The following EPHA3 variants were observed in gnomAD, a reference collection of about 807,000 sequenced individuals.
EPHA3 encodes the protein EPH receptor A3, also known as ephrin type-A receptor 3.
A neutral mutation model predicts 107.1 loss-of-function variants in EPHA3; 42 were observed. The ratio of observed to expected loss-of-function variants is 0.39; its 90% CI spans 0.31 to 0.51. The LOEUF is 0.51. Among genes scored for constraint, EPHA3 ranks in the 20% least tolerant of loss-of-function variants. The probability of loss-of-function intolerance (pLI) is 0.78; values close to 1 mark genes in which losing one functional copy is unlikely to be tolerated. For synonymous variants in EPHA3, 461 were observed against 424.8 expected (o/e 1.09, Z -1.05); for missense variants, 1,183 against 1,211.2 (o/e 0.98, Z 0.35).
intron 15 of EPHA3, among the ~76,000 whole-genome samples, chr3:89,471,981 G>A (rs17026944): frequency 0.23 from 35,299 of 151,820 alleles, 4,358 homozygotes; most frequent in Non-Finnish European, 0.25. Flanking sequence ...TGCTGTGAGT[G>A]TAGCCTAGAT....
chr3:89,356,815 C>A (rs1386356846), intron 5 of EPHA3, among the ~76,000 whole-genome samples: 1 of 150,672 alleles, frequency 6.6e-6, no homozygotes, highest in Non-Finnish European at 1.5e-5. Context: ...CAAAGGCACA[C>A]ATAAAATAAG....
At chr3:89,329,557 T>G (rs964525093) in intron 3 of EPHA3, among the ~76,000 whole-genome samples, 2 of 152,094 alleles carry the variant, frequency 1.3e-5, no homozygotes, top group African/African-American at 4.8e-5. Context: ...GAAGAGAGAA[T>G]TTCTTCCTCT....
At chr3:89,329,389 T>C (rs1707241478) in intron 3 of EPHA3, among the ~76,000 whole-genome samples, 1 of 152,168 alleles carries the variant, frequency 6.6e-6, no homozygotes, top group African/African-American at 2.4e-5. Flanking sequence ...GCAGAGATTC[T>C]TCTATTGTTC....
chr3:89,110,689 T>G (rs1464141218), intron 1 of EPHA3, among the ~76,000 whole-genome samples: 1 of 152,012 alleles, frequency 6.6e-6, no homozygotes, highest in Non-Finnish European at 1.5e-5. Context: ...CTGTTTTTCA[T>G]GGCAAAATAT....
intron 3 of EPHA3, among the ~76,000 whole-genome samples, chr3:89,244,490 C>A (rs1294197409): frequency 6.6e-6 from 1 of 151,924 alleles, no homozygotes; most frequent in Non-Finnish European, 1.5e-5. Context: ...ATGTTTTATA[C>A]TATCCATTAA....
chr3:89,359,772 C>CAT (rs537329429), intron 5 of EPHA3, among the ~76,000 whole-genome samples: 1 of 141,728 alleles, frequency 7.1e-6, no homozygotes, highest in Admixed American at 7.2e-5. Flanking sequence ...TATATACACA[C>CAT]ATATATATAC....
intron 2 of EPHA3, among the ~76,000 whole-genome samples, chr3:89,175,497 TA>T (rs1705302626): frequency 6.6e-6 from 1 of 152,182 alleles, no homozygotes; most frequent in Admixed American, 6.5e-5. Context: ...CAGGAATTGA[TA>T]AACATATATA....
intron 3 of EPHA3, among the ~76,000 whole-genome samples, chr3:89,229,303 T>A (rs1704572254): frequency 6.6e-6 from 1 of 151,914 alleles, no homozygotes; most frequent in Admixed American, 6.6e-5. Flanking sequence ...ATTTAGCATA[T>A]AACTCAAGTT....
At chr3:89,262,168 C>G (rs1705432967) in intron 3 of EPHA3, among the ~76,000 whole-genome samples, 1 of 152,134 alleles carries the variant, frequency 6.6e-6, no homozygotes, top group South Asian at 2.1e-4. Flanking sequence ...TCACAGATCA[C>G]TGTCATCAGT....
At chr3:89,305,306 A>C (rs1462765884) in intron 3 of EPHA3, among the ~76,000 whole-genome samples, 1 of 152,168 alleles carries the variant, frequency 6.6e-6, no homozygotes, top group Non-Finnish European at 1.5e-5. Context: ...TTAATGAAAA[A>C]TGTAACGGCC....
At chr3:89,245,065 C>T (rs1460578019) in intron 3 of EPHA3, among the ~76,000 whole-genome samples, 11 of 152,178 alleles carry the variant, frequency 7.2e-5, no homozygotes, top group South Asian at 2.1e-4. Context: ...ACCAAACCAG[C>T]GGTTTGTTTG....
chr3:89,374,400 A>G (rs957409589), intron 5 of EPHA3, among the ~76,000 whole-genome samples: 3 of 151,906 alleles, frequency 2.0e-5, no homozygotes, highest in African/African-American at 7.3e-5. Context: ...ATGTGTGCAC[A>G]GCTAAGTATA....
chr3:89,433,740 A>C (rs749524511), intron 13 of EPHA3, among the ~76,000 whole-genome samples: 2 of 152,172 alleles, frequency 1.3e-5, no homozygotes, highest in Non-Finnish European at 2.9e-5. Flanking sequence ...TCTTGTAGCT[A>C]GTTGAATTAA....
At chr3:89,385,417 G>C (rs191376680) in intron 5 of EPHA3, among the ~76,000 whole-genome samples, 1 of 152,272 alleles carries the variant, frequency 6.6e-6, no homozygotes, top group African/African-American at 2.4e-5. Context: ...ATCATAGTGA[G>C]TTCTCGCAAG....
intron 13 of EPHA3, among the ~76,000 whole-genome samples, chr3:89,445,079 A>T (rs1404178635): frequency 6.6e-6 from 1 of 152,154 alleles, no homozygotes; most frequent in Non-Finnish European, 1.5e-5. Context: ...TAGCCTGACC[A>T]ACATGGCAAA....
At chr3:89,197,536 G>T (rs898925769) in intron 2 of EPHA3, among the ~76,000 whole-genome samples, 5 of 151,992 alleles carry the variant, frequency 3.3e-5, no homozygotes, top group Non-Finnish European at 5.9e-5. Flanking sequence ...TTTTAAAAAA[G>T]ATAATAGTGA....
chr3:89,388,636 A>C (rs1282474889), intron 5 of EPHA3, among the ~76,000 whole-genome samples: 2 of 152,190 alleles, frequency 1.3e-5, no homozygotes, highest in East Asian at 1.9e-4. Flanking sequence ...GAGAGCAATA[A>C]ATGACAAAGC....
chr3:89,113,511 A>AAAAAAT (rs1400887351), intron 1 of EPHA3, among the ~76,000 whole-genome samples: 1 of 149,246 alleles, frequency 6.7e-6, no homozygotes, highest in Admixed American at 6.7e-5. Flanking sequence ...AAAAAAAAAA[A>AAAAAAT]AAGAGGGGAG....
At chr3:89,473,874 C>A (rs1710455930) in intron 16 of EPHA3, among the ~76,000 whole-genome samples, 1 of 152,044 alleles carries the variant, frequency 6.6e-6, no homozygotes, top group South Asian at 2.1e-4. Flanking sequence ...ATAGATACAC[C>A]AAAAGTTGTC....
Sources: allele counts gnomAD v4.1 joint callset (sites outside exome capture counted in the v4.1 genomes callset), GRCh38; gene constraint gnomAD v4.1.1; transcripts MANE v1.5; gene names NCBI Gene and HGNC (gene_info 2026-07-23, HGNC 2026-07-21).